USP45: variants seen among roughly 807,000 people sequenced by gnomAD.
The protein encoded by USP45 is ubiquitin carboxyl-terminal hydrolase 45.
Under a neutral mutation model 95.8 loss-of-function variants are expected in USP45, and 89 were observed. That is an observed-to-expected ratio of 0.93 (90% CI 0.78 to 1.11). The LOEUF is 1.11. Ranked by LOEUF, USP45 falls within the 50% of genes least tolerant of loss-of-function variation. The pLI is 0.00. For missense variants in USP45, 898 were observed against 942.5 expected, an observed-to-expected ratio of 0.95 and a Z score of 0.62; for synonymous variants, 281 against 316.2, an observed-to-expected ratio of 0.89 and a Z score of 1.18.
At position 99,443,669 on chromosome 6, in the gene USP45, A is replaced by G; in HGVS notation, c.1976-7T>C. On this transcript the variant is annotated splice_polypyrimidine_tract_variant and splice_region_variant and intron_variant, in intron 14 of 17. Transcript: ENST00000500704. ...ACTCCTTCTACTTTCTTTTCTACATAAAATACAATAAATTTATTTATAAAA... is the reference window on the plus strand; with the variant it reads ...ACTCCTTCTACTTTCTTTTCTACATGAAATACAATAAATTTATTTATAAAA... The G allele has an allele frequency of 6.7e-7, 1 of 1,501,364 alleles. No individual in the cohort carries two copies. Among genetic ancestry groups the G allele is most frequent in the Non-Finnish European group, 9.0e-7 (1 of 1,111,534 alleles). The allele number at this position is 1,501,364 out of a possible 1,614,324, so 93.0% of individuals were successfully genotyped here.
chr6:99,481,972 C>A (rs982928130), intron 8 of USP45, among the ~76,000 whole-genome samples: 1 of 152,208 alleles, frequency 6.6e-6, no homozygotes, highest in South Asian at 2.1e-4. Flanking sequence ...ATGAAACATA[C>A]ACTAAGCCCT....
intron 7 of USP45, among the ~76,000 whole-genome samples, chr6:99,483,098 A>G (rs774773125): frequency 1.4e-4 from 21 of 152,188 alleles, no homozygotes; most frequent in Admixed American, 3.3e-4. Flanking sequence ...CCCTTTGCTT[A>G]ATAAAACTAT....
chr6:99,482,118 G>A (rs1792576486), intron 8 of USP45: 1 of 152,114 alleles, frequency 6.6e-6, no homozygotes. Context: ...TAGTAATTGT[G>A]GACTGGACTA....
At chr6:99,471,591 G>A (rs1789414535) in intron 9 of USP45, among the ~76,000 whole-genome samples, 1 of 152,128 alleles carries the variant, frequency 6.6e-6, no homozygotes, top group African/African-American at 2.4e-5. Context: ...ACTACTTCTA[G>A]GAAATTTGAT....
chr6:99,481,682 T>G (rs1792464789), intron 8 of USP45, among the ~76,000 whole-genome samples: 1 of 152,150 alleles, frequency 6.6e-6, no homozygotes, highest in Admixed American at 6.5e-5. Flanking sequence ...CTCCCACCTC[T>G]AGTAATCCCC....
chr6:99,479,079 G>C (rs1791640840), intron 8 of USP45, among the ~76,000 whole-genome samples: 1 of 151,502 alleles, frequency 6.6e-6, no homozygotes, highest in African/African-American at 2.4e-5. Flanking sequence ...TCTAGAGAAA[G>C]GGATTATAAA....
At position 99,445,341 on chromosome 6, in the gene USP45, G is replaced by A. The variant is rs1478983216; in HGVS notation, c.1975+456C>T. 2.6e-5 allele frequency among the ~76,000 whole-genome samples: 4 copies of A among 152,130 alleles called. No homozygotes were observed. In the East Asian group the frequency reaches 7.7e-4, roughly 29 times the overall value. On this transcript the variant is annotated intron_variant, in intron 14 of 17. Coordinates refer to ENST00000500704, the MANE Select transcript of USP45 (RefSeq NM_001346022.3). Reference sequence around the variant, plus strand: ...CTACTAAAAATACAAAAATTAGCTGGGCATGGTGGTGGGCGCCTGTAATCT... The same window carrying A: ...CTACTAAAAATACAAAAATTAGCTGAGCATGGTGGTGGGCGCCTGTAATCT...
chr6:99,500,598 T>G (rs1267154868), intron 5 of USP45, among the ~76,000 whole-genome samples: 3 of 152,220 alleles, frequency 2.0e-5, no homozygotes, highest in Non-Finnish European at 4.4e-5. Flanking sequence ...AAACTTGTAC[T>G]TTCATCACCC....
intron 5 of USP45, among the ~76,000 whole-genome samples, chr6:99,493,012 C>T (rs554784191): frequency 6.6e-6 from 1 of 151,988 alleles, no homozygotes; most frequent in Non-Finnish European, 1.5e-5. Context: ...TAGTAAACAG[C>T]AGAGACCTTA....
chr6:99,498,177 C>T (rs1307421083), intron 5 of USP45, among the ~76,000 whole-genome samples: 2 of 152,194 alleles, frequency 1.3e-5, no homozygotes, highest in African/African-American at 4.8e-5. Context: ...GCATCTCCAA[C>T]ATCTAATGCA....
At chr6:99,469,205 TTTCA>T (rs1788702855) in intron 9 of USP45, among the ~76,000 whole-genome samples, 1 of 151,970 alleles carries the variant, frequency 6.6e-6, no homozygotes, top group Non-Finnish European at 1.5e-5. Context: ...ATGATTATGT[TTTCA>T]GCAGCTCTCA....
rs369055797 is a variant in USP45 at position 99,494,323 on chromosome 6, T to C, written c.479-5503A>G. Among the ~76,000 whole-genome samples, 59 of 152,316 alleles carry C rather than the reference T, an allele frequency of 3.9e-4. 1 individual carries two copies. In the South Asian group the frequency reaches 0.012, roughly 30 times the overall value. ...CATTGAGAGCACACTTTCGGCACTTTAAAGTTTTTAAAGCTCTTGTACATC... is the reference window on the plus strand; with the variant it reads ...CATTGAGAGCACACTTTCGGCACTTCAAAGTTTTTAAAGCTCTTGTACATC... On this transcript the variant is annotated intron_variant, in intron 5 of 17. Coordinates refer to ENST00000500704, the MANE Select transcript of USP45 (RefSeq NM_001346022.3).
At chr6:99,482,700 A>G (rs901779228) in intron 8 of USP45, 53 bp downstream of exon 8, 1 of 1,492,924 alleles carries the variant, frequency 6.7e-7, no homozygotes, top group Non-Finnish European at 9.0e-7. Flanking sequence ...AATGATGAAT[A>G]CATTAGTATT....
At chr6:99,494,548 T>C (rs1706635197) in intron 5 of USP45, among the ~76,000 whole-genome samples, 1 of 152,170 alleles carries the variant, frequency 6.6e-6, no homozygotes, top group South Asian at 2.1e-4. Flanking sequence ...CTCAAATTTT[T>C]CCAGCATAAA....
At chr6:99,453,048 G>T (rs556935802) in intron 13 of USP45, among the ~76,000 whole-genome samples, 1 of 152,066 alleles carries the variant, frequency 6.6e-6, no homozygotes, top group Non-Finnish European at 1.5e-5. Flanking sequence ...GAGCAGGGAG[G>T]GAAAGCATTA....
Position 99,445,833 on chromosome 6 carries a change from T to C in USP45, c.1939A>G (p.Asn647Asp), listed in dbSNP as rs1303199947. 6.3e-7 allele frequency: 1 copy of C among 1,590,128 alleles called. No homozygotes were observed. The highest frequency in any genetic ancestry group is 2.2e-5 in the East Asian group (1 of 44,716). ...GTTTCTTCTTGGTACTTCTGTTTGTTTTTAGTACAATTCTCACATAGAAGC... is the reference window on the plus strand; with the variant it reads ...GTTTCTTCTTGGTACTTCTGTTTGTCTTTAGTACAATTCTCACATAGAAGC... ...NKLLCENCTK[N>D]KQKYQEETSF... is the part of the protein sequence containing the mutation. Residue 647 changes from asparagine to aspartate, a missense_variant, in exon 14 of 18, where the codon AAC becomes GAC. Coordinates refer to ENST00000500704, the MANE Select transcript of USP45 (RefSeq NM_001346022.3).
intron 4 of USP45, among the ~76,000 whole-genome samples, chr6:99,507,058 T>C (rs1313215577): frequency 1.3e-5 from 2 of 152,116 alleles, no homozygotes; most frequent in African/African-American, 4.8e-5. Flanking sequence ...ATACATAAAA[T>C]TAGGCAGGCA....
At chr6:99,454,003 G>A (rs1195870693) in intron 13 of USP45, among the ~76,000 whole-genome samples, 1 of 152,120 alleles carries the variant, frequency 6.6e-6, no homozygotes, top group Non-Finnish European at 1.5e-5. Context: ...CCAAAAAAGA[G>A]CCAGAATCAC....
At chr6:99,489,458 T>G (rs1432473702) in intron 5 of USP45, among the ~76,000 whole-genome samples, 1 of 152,120 alleles carries the variant, frequency 6.6e-6, no homozygotes, top group African/African-American at 2.4e-5. Flanking sequence ...ATGACAGAAT[T>G]AGGAAAATCA....
Sources: gnomAD v4.1 joint callset for allele counts (sites outside exome capture counted in the v4.1 genomes callset) on GRCh38, gnomAD v4.1.1 for gene constraint, MANE v1.5 for transcripts, NCBI Gene and HGNC (gene_info 2026-07-23, HGNC 2026-07-21) for gene names.